KRT74: variants seen among roughly 807,000 people sequenced by gnomAD.
KRT74 encodes keratin, type II cytoskeletal 74.
A neutral mutation model predicts 42.7 loss-of-function variants in KRT74; 43 were observed. The ratio of observed to expected loss-of-function variants is 1.01; its 90% CI spans 0.79 to 1.30. KRT74 has a LOEUF of 1.30. KRT74 is among the 50% of genes most tolerant of loss of function. The pLI, the probability that KRT74 is intolerant of heterozygous loss-of-function variation, is 0.00. For synonymous variants in KRT74, 302 were observed against 279.0 expected (o/e 1.08, Z -0.82); for missense variants, 736 against 689.1 (o/e 1.07, Z -0.76).
chr12:52,572,070 A>G, intron 2 of KRT74, 66 bp from the exon 3 acceptor site: 1 of 1,238,632 alleles, frequency 8.1e-7, no homozygotes. Flanking sequence ...CCTGCTGGCC[A>G]GGCAAATGTT....
At chr12:52,570,975 A>T in intron 4 of KRT74, 142 bp from the exon 5 acceptor site, 1 of 956,382 alleles carries the variant, frequency 1.0e-6, no homozygotes, top group Admixed American at 2.0e-5. Context: ...GCCCTCTGGG[A>T]TGTGTCTGCA....
In KRT74 at chr12:52,570,831, C is replaced by G. The variant is rs144976556; in HGVS notation, c.846G>C (p.Glu282Asp). 58 of 1,614,148 alleles carry G rather than the reference C, an allele frequency of 3.6e-5. No homozygotes were observed. Among genetic ancestry groups the G allele is most frequent in the Middle Eastern group, 1.6e-4 (1 of 6,084 alleles). The change falls in exon 5 of 9, where the codon GAG becomes GAC. Residue 282 changes from glutamate to aspartate, a missense_variant and splice_region_variant. Transcript: ENST00000305620. Reference sequence around the variant, plus strand: ...TGGCGTGAGTCTGGATCTGAGCGATCTCCTGCATTGAGAGAGGAAGACAGA... The same window carrying G: ...TGGCGTGAGTCTGGATCTGAGCGATGTCCTGCATTGAGAGAGGAAGACAGA... Reference protein sequence around the residue: ...IKFLKCLYDAEIAQIQTHASE... With the variant: ...IKFLKCLYDADIAQIQTHASE...
At chr12:52,571,227 C>T (rs1939475009) in intron 4 of KRT74, 132 bp downstream of exon 4, 1 of 711,994 alleles carries the variant, frequency 1.4e-6, no homozygotes, top group East Asian at 2.6e-5. Context: ...CCATGGTCTC[C>T]TGGTGCAGGG....
At position 52,571,984 on chromosome 12, in the gene KRT74, C is replaced by A; in HGVS notation, c.707G>T (p.Arg236Leu). 6.3e-7 allele frequency: 1 copy of A among 1,598,674 alleles called. No homozygotes were observed. The highest frequency in any genetic ancestry group is 8.6e-7 in the Non-Finnish European group (1 of 1,166,234). ...AAACTCATTCTCTGCTGTCGTGCGC[C>A]GGTTAATCTCCACTTCATATCTGCC... ...YKKRYEVEIN[R>L]RTTAENEFVV... Residue 236 changes from arginine to leucine, a missense_variant, in exon 3 of 9, where the codon CGG becomes CTG. By Grantham distance (102) the Arg-to-Leu change is moderately radical. Transcript: ENST00000305620.
chr12:52,568,081 C>T, intron 7 of KRT74, 88 bp downstream of exon 7: 1 of 1,453,964 alleles, frequency 6.9e-7, no homozygotes, highest in Non-Finnish European at 9.6e-7. Context: ...TGTATTGGCA[C>T]TAACCATGTT....
intron 1 of KRT74, 47 bp from the exon 2 acceptor site, chr12:52,572,714 A>AC: frequency 1.3e-6 from 2 of 1,539,904 alleles, no homozygotes; most frequent in Non-Finnish European, 9.0e-7. Context: ...GGGTGCAGTC[A>AC]TGCCCCCTGG....
Position 52,573,409 on chromosome 12 carries a change from G to A in KRT74, c.369C>T (p.Ala123=), listed in dbSNP as rs1306267432. 3.1e-6 allele frequency: 5 copies of A among 1,614,164 alleles called. No individual in the cohort carries two copies. Among genetic ancestry groups the A allele is most frequent in the South Asian group, 2.2e-5 (2 of 91,076 alleles). The change falls in exon 1 of 9, where the codon GCC becomes GCT. Residue 123 remains alanine, a synonymous_variant. Transcript: ENST00000305620. ...HQVTVNKSLL[A]PLNVELDPEI... ...CAGGGTCCAGCTCCACGTTGAGGGG[G>A]GCCAAGAGGCTCTTGTTGACAGTGA...
In KRT74 at chr12:52,573,322, G is replaced by A; in HGVS notation, c.456C>T (p.Ala152=). 1 of 1,614,186 alleles carries A rather than the reference G, an allele frequency of 6.2e-7. No homozygotes were observed. Among genetic ancestry groups the A allele is most frequent in the Non-Finnish European group, 8.5e-7 (1 of 1,180,028 alleles). The change falls in exon 1 of 9, where the codon GCC becomes GCT. Residue 152 remains alanine, a synonymous_variant. Coordinates refer to ENST00000305620, the MANE Select transcript of KRT74 (RefSeq NM_175053.4). ...EQIKVLNDKF[A]SFIDKVRFLE... ...TGAGACCCACCTTGTCAATGAAGGA[G>A]GCGAACTTGTCGTTCAGCACCTTGA...
In KRT74 at chr12:52,568,284, C is replaced by A; in HGVS notation, c.1240G>T (p.Ala414Ser). ...AGCATCCGCGCCAGCTCCTCCTTGG[C>A]CTGGTGCAGGGCGCCCTCCAGCTCA... ...LDELEGALHQ[A>S]KEELARMLRE... Residue 414 changes from alanine to serine, a missense_variant, in exon 7 of 9, where the codon GCC becomes TCC. Transcript: ENST00000305620. 6.2e-7 allele frequency: 1 copy of A among 1,614,168 alleles called. No homozygotes were observed. The highest frequency in any genetic ancestry group is 2.2e-5 in the East Asian group (1 of 44,874).
Position 52,568,221 on chromosome 12 carries a change from G to C in KRT74, c.1303C>G (p.Leu435Val), listed in dbSNP as rs138580345. The stretch of plus-strand genomic sequence containing the variant: ...CGGTAGGTGGCAATCTCCATGTCCA[G>C]GGCCAGTTTCAGGCTCATGAGCTCC... The part of the protein sequence containing the change: ...YQELMSLKLA[L>V]DMEIATYRKL... The change falls in exon 7 of 9, where the codon CTG (leucine) becomes GTG (valine). Residue 435 changes from leucine (L) to valine (V), a missense_variant. By Grantham distance (32) the Leu-to-Val change is conservative (BLOSUM62 1). Coordinates refer to ENST00000305620, the MANE Select transcript of KRT74 (RefSeq NM_175053.4). 9.0e-5 allele frequency: 145 copies of C among 1,614,174 alleles called. No homozygotes were observed. In the African/African-American group the frequency reaches 1.6e-3, roughly 18 times the overall value.
chr12:52,568,075 T>C (rs765998581), intron 7 of KRT74, 94 bp downstream of exon 7: 2 of 1,399,296 alleles, frequency 1.4e-6, no homozygotes, highest in South Asian at 1.2e-5. Context: ...CTTGCTTGTA[T>C]TGGCACTAAC....
rs759219124 is a variant in KRT74, at chr12:52,573,579, C to T, written c.199G>A (p.Gly67Ser). Residue 67 changes from glycine (G) to serine (S), a missense_variant, in exon 1 of 9, where the codon GGC (glycine) becomes AGC (serine). Gly to Ser is a moderately conservative substitution (Grantham distance 56). Transcript: ENST00000305620. Reference protein sequence around the residue: ...RRISFNVAGGGVRAGGYGFRP... With the variant: ...RRISFNVAGGSVRAGGYGFRP... Reference sequence around the variant, plus strand: ...AAGCCGTAACCTCCAGCCCGAACGCCGCCACCAGCCACATTGAAAGAAATA... The same window carrying T: ...AAGCCGTAACCTCCAGCCCGAACGCTGCCACCAGCCACATTGAAAGAAATA... The T allele has an allele frequency of 9.9e-6, 16 of 1,613,992 alleles. No individual in the cohort carries two copies. Among genetic ancestry groups the T allele is most frequent in the East Asian group, 4.5e-5 (2 of 44,890 alleles).
In KRT74 at chr12:52,566,759, A is replaced by C; in HGVS notation, c.*210T>G. 1 of 437,038 alleles carries C rather than the reference A, an allele frequency of 2.3e-6. No individual in the cohort carries two copies. Among genetic ancestry groups the C allele is most frequent in the Non-Finnish European group, 4.1e-6 (1 of 246,750 alleles). 27.1% of individuals were successfully genotyped at this position (437,038 alleles called of 1,614,324 possible). On this transcript the variant is annotated 3_prime_UTR_variant, in exon 9 of 9. Transcript: ENST00000305620. ...GCCAAAGGCAGCGAGGAAAATGAGA[A>C]GTCGTTAGTCCACATGGGACCTAAG... is the stretch of plus-strand genomic sequence containing the variant.
At chr12:52,570,046 A>G in intron 5 of KRT74, 62 bp from the exon 6 acceptor site, 3 of 1,586,878 alleles carry the variant, frequency 1.9e-6, no homozygotes, top group Non-Finnish European at 2.6e-6. Flanking sequence ...GGTCCTGTAA[A>G]TAAGCCACCC....
At chr12:52,567,458 A>G (rs1939400465) in intron 8 of KRT74, among the ~76,000 whole-genome samples, 1 of 152,192 alleles carries the variant, frequency 6.6e-6, no homozygotes, top group South Asian at 2.1e-4. Flanking sequence ...CCAGGGGAGA[A>G]ACAGGAAGGG....
chr12:52,569,754 T>C, intron 6 of KRT74, 105 bp downstream of exon 6: 1 of 1,486,746 alleles, frequency 6.7e-7, no homozygotes, highest in Non-Finnish European at 9.3e-7. Flanking sequence ...GAGGGACCCC[T>C]AAGCCCAGCA....
rs1342368734 is a variant in KRT74, at chr12:52,572,651, T to A, written c.488A>T (p.Gln163Leu). The part of the protein sequence containing the change: ...SFIDKVRFLE[Q>L]QNQVLETKWE... ...CTTGGTTTCTAGAACCTGGTTCTGCTGCTCTAGGAAGCGTACCTGGAACCC... is the reference window on the plus strand; with the variant it reads ...CTTGGTTTCTAGAACCTGGTTCTGCAGCTCTAGGAAGCGTACCTGGAACCC... Residue 163 changes from glutamine (Q) to leucine (L), a missense_variant, in exon 2 of 9, where the codon CAG (glutamine) becomes CTG (leucine). Gln to Leu is a moderately radical substitution (Grantham distance 113). Coordinates refer to ENST00000305620, the MANE Select transcript of KRT74 (RefSeq NM_175053.4). 1 of 1,614,192 alleles carries A rather than the reference T, an allele frequency of 6.2e-7. No individual in the cohort carries two copies. Among genetic ancestry groups the A allele is most frequent in the Admixed American group, 1.7e-5 (1 of 60,030 alleles).
chr12:52,569,441 C>T, intron 6 of KRT74: 3 of 610,810 alleles, frequency 4.9e-6, no homozygotes, highest in Non-Finnish European at 8.7e-6. Context: ...ACACATGTTC[C>T]ATGTCCAGTG....
At chr12:52,569,566 C>T (rs1939438522) in intron 6 of KRT74, 2 of 599,726 alleles carry the variant, frequency 3.3e-6, no homozygotes, top group Non-Finnish European at 6.0e-6. Flanking sequence ...AATCCTAGCT[C>T]CATTCATTAC....
Sources: gnomAD v4.1 joint callset for allele counts (sites outside exome capture counted in the v4.1 genomes callset) on GRCh38, gnomAD v4.1.1 for gene constraint, MANE v1.5 for transcripts, NCBI Gene and HGNC (gene_info 2026-07-23, HGNC 2026-07-21) for gene names.